TPD52: variants seen among roughly 807,000 people sequenced by gnomAD.
TPD52 encodes the protein prostate and colon associated protein.
In TPD52, 17 loss-of-function variants were observed where a neutral mutation model predicts 31.3. That is an observed-to-expected ratio of 0.54 (90% CI 0.37 to 0.82). The LOEUF (loss-of-function observed/expected upper bound fraction) is 0.82, where lower values mean the gene tolerates loss of function less well. TPD52 is among the 40% of genes least tolerant of loss of function. TPD52 has a pLI of 0.00. For synonymous variants in TPD52, 83 were observed against 89.6 expected, an observed-to-expected ratio of 0.93 and a Z score of 0.42; for missense variants, 212 against 240.1, an observed-to-expected ratio of 0.88 and a Z score of 0.77.
chr8:80,154,485 C>T (rs1810792627), intron 1 of TPD52, among the ~76,000 whole-genome samples: 1 of 152,192 alleles, frequency 6.6e-6, no homozygotes, highest in Admixed American at 6.5e-5. Context: ...TCCCTCTCCC[C>T]TTAAGTGATA....
At chr8:80,170,667 T>C (rs1483017097) in intron 1 of TPD52, among the ~76,000 whole-genome samples, 1 of 152,064 alleles carries the variant, frequency 6.6e-6, no homozygotes, top group Admixed American at 6.6e-5. Flanking sequence ...CTGCGTACAG[T>C]CACAGGCTTA....
chr8:80,119,693 A>G (rs1276372023), intron 1 of TPD52: 1 of 160,284 alleles, frequency 6.2e-6, no homozygotes, highest in African/African-American at 2.4e-5. Context: ...CTTCTTTAAA[A>G]TTAAAAGAAT....
At chr8:80,143,671 G>A (rs935986217) in intron 1 of TPD52, among the ~76,000 whole-genome samples, 1 of 151,964 alleles carries the variant, frequency 6.6e-6, no homozygotes, top group African/African-American at 2.4e-5. Context: ...TTTTAAAAGC[G>A]ACCAACTGAT....
chr8:80,031,599 T>C (rs560726420), downstream of TPD52, among the ~76,000 whole-genome samples: 1 of 152,282 alleles, frequency 6.6e-6, no homozygotes, highest in South Asian at 2.1e-4. Context: ...GGCTTACACT[T>C]GTAATCCCAG....
At chr8:80,068,857 C>A (rs1468074105) in intron 1 of TPD52, among the ~76,000 whole-genome samples, 3 of 152,196 alleles carry the variant, frequency 2.0e-5, no homozygotes, top group Non-Finnish European at 4.4e-5. Flanking sequence ...ATGCACTGTA[C>A]AATTAATCAG....
intron 1 of TPD52, among the ~76,000 whole-genome samples, chr8:80,137,665 T>G (rs1276862826): frequency 1.3e-5 from 2 of 152,234 alleles, no homozygotes; most frequent in African/African-American, 4.8e-5. Flanking sequence ...TTATTTTTCA[T>G]AAGTATGAAA....
rs561295317 is a variant in TPD52 at position 80,117,068 on chromosome 8, T to C, written c.20-52475A>G. 2.6e-5 allele frequency among the ~76,000 whole-genome samples: 4 copies of C among 152,310 alleles called. No homozygotes were observed. In the South Asian group the frequency reaches 8.3e-4, roughly 32 times the overall value. ...CATCTTAGTTAACAAAGACCGAATG[T>C]TTTTCCCCTAAGACCAGGAACAGAA... On this transcript the variant is annotated intron_variant, in intron 1 of 7. Transcript: ENST00000518937.
At chr8:80,129,669 T>TC (rs1274029650) in intron 1 of TPD52, among the ~76,000 whole-genome samples, 3 of 150,734 alleles carry the variant, frequency 2.0e-5, no homozygotes, top group Non-Finnish European at 4.4e-5. Flanking sequence ...CGTGGCATCC[T>TC]CCCCCGACTT....
chr8:80,040,579 T>C (rs533701355), intron 7 of TPD52, among the ~76,000 whole-genome samples: 2 of 152,332 alleles, frequency 1.3e-5, no homozygotes, highest in African/African-American at 4.8e-5. Context: ...TTATAGAATC[T>C]AAATATATTC....
intron 1 of TPD52, among the ~76,000 whole-genome samples, chr8:80,089,190 G>A (rs190676398): frequency 1.0e-3 from 157 of 152,290 alleles, no homozygotes; most frequent in African/African-American, 7.2e-4. Context: ...GAACAGAAGC[G>A]GGAACAGCAA....
At chr8:80,150,947 G>C (rs936419938) in intron 1 of TPD52, among the ~76,000 whole-genome samples, 1 of 152,196 alleles carries the variant, frequency 6.6e-6, no homozygotes, top group Non-Finnish European at 1.5e-5. Context: ...GAGGACATGA[G>C]ATTTGGGAGG....
intron 1 of TPD52, among the ~76,000 whole-genome samples, chr8:80,124,492 A>G (rs1209746563): frequency 6.6e-6 from 1 of 152,150 alleles, no homozygotes; most frequent in Non-Finnish European, 1.5e-5. Context: ...TCATAGACTA[A>G]AGGCAATGGT....
chr8:80,157,271 TAA>T (rs34910647), intron 1 of TPD52, among the ~76,000 whole-genome samples: 4 of 144,954 alleles, frequency 2.8e-5, no homozygotes, highest in Non-Finnish European at 3.0e-5. Context: ...TCTTGAAGGC[TAA>T]AAAAAAAAAA....
At chr8:80,066,411 C>CA (rs1301670898) in intron 1 of TPD52, among the ~76,000 whole-genome samples, 9 of 151,998 alleles carry the variant, frequency 5.9e-5, no homozygotes, top group African/African-American at 1.4e-4. Flanking sequence ...ATCGGACTGG[C>CA]AAAAAATATG....
intron 1 of TPD52, among the ~76,000 whole-genome samples, chr8:80,154,896 T>C (rs757322691): frequency 2.6e-4 from 39 of 152,176 alleles, no homozygotes; most frequent in South Asian, 4.1e-4. Flanking sequence ...ATTATGTATA[T>C]GATGATCTGT....
chr8:80,074,192 T>C (rs763734948), intron 1 of TPD52, among the ~76,000 whole-genome samples: 6 of 152,210 alleles, frequency 3.9e-5, no homozygotes, highest in Non-Finnish European at 8.8e-5. Context: ...GTAAGAAACT[T>C]CAGTATCTAT....
intron 2 of TPD52, among the ~76,000 whole-genome samples, chr8:80,062,924 T>C (rs1020746450): frequency 3.9e-5 from 6 of 152,140 alleles, no homozygotes; most frequent in Non-Finnish European, 5.9e-5. Context: ...GCTATAATCA[T>C]GCCACTGCAC....
At chr8:80,129,707 T>TC (rs1808886491) in intron 1 of TPD52, among the ~76,000 whole-genome samples, 2 of 149,780 alleles carry the variant, frequency 1.3e-5, no homozygotes, top group Admixed American at 1.3e-4. Context: ...TCATTTCTTT[T>TC]TTTTTTTTTT....
intron 1 of TPD52, among the ~76,000 whole-genome samples, chr8:80,166,044 G>A (rs1214576628): frequency 8.5e-5 from 13 of 152,162 alleles, no homozygotes; most frequent in East Asian, 1.9e-4. Context: ...TAGGCCAGGC[G>A]CAGTGGCTCA....
Sources: gnomAD v4.1 joint callset for allele counts (sites outside exome capture counted in the v4.1 genomes callset) on GRCh38, gnomAD v4.1.1 for gene constraint, MANE v1.5 for transcripts, NCBI Gene and HGNC (gene_info 2026-07-23, HGNC 2026-07-21) for gene names.